The following SLC30A8 variants were observed in gnomAD, a reference collection of about 807,000 sequenced individuals.
The protein encoded by SLC30A8 is proton-coupled zinc antiporter SLC30A8.
In SLC30A8, 27 loss-of-function variants were observed where a neutral mutation model predicts 36.9. The observed-to-expected ratio is 0.73, with a 90% confidence interval of 0.54 to 1.01. The LOEUF is 1.01. Among genes scored for constraint, SLC30A8 ranks in the 50% least tolerant of loss-of-function variants. The pLI is 0.00. For missense variants in SLC30A8, 439 were observed against 452.0 expected (o/e 0.97, Z 0.26); for synonymous variants, 164 against 172.4 (o/e 0.95, Z 0.38).
Position 117,087,530 on chromosome 8 carries a change from C to T in SLC30A8, c.-225-47750C>T, listed in dbSNP as rs146686734. 3.3e-3 allele frequency among the ~76,000 whole-genome samples: 498 copies of T among 152,170 alleles called. 1 individual carries two copies. The highest frequency in any genetic ancestry group is 4.6e-3 in the Non-Finnish European group (315 of 67,996). On this transcript the variant is annotated intron_variant, in intron 2 of 10. Coordinates refer to the SLC30A8 transcript ENST00000427715. ...ATCATACTACCTTTCAAGCTGGCTTCGTCTTTTTTTTTCTAATCTTCTATA... is the reference window on the plus strand; with the variant it reads ...ATCATACTACCTTTCAAGCTGGCTTTGTCTTTTTTTTTCTAATCTTCTATA...
At chr8:116,997,054 T>C (rs912202403) in intron 1 of SLC30A8, among the ~76,000 whole-genome samples, 1 of 151,312 alleles carries the variant, frequency 6.6e-6, no homozygotes, top group Admixed American at 6.6e-5. Context: ...GCAAAGACAA[T>C]ATGTGTAGTG....
chr8:117,046,639 A>C (rs974027959), intron 2 of SLC30A8, among the ~76,000 whole-genome samples: 1 of 152,228 alleles, frequency 6.6e-6, no homozygotes, highest in Non-Finnish European at 1.5e-5. Context: ...AAATGAGGCT[A>C]TTCTAAGAAT....
At chr8:117,104,077 T>C (rs1819861079) in intron 2 of SLC30A8, among the ~76,000 whole-genome samples, 1 of 152,148 alleles carries the variant, frequency 6.6e-6, no homozygotes, top group Non-Finnish European at 1.5e-5. Context: ...CATGGCTGAT[T>C]GAATGCATAA....
chr8:116,990,396 G>A (rs190605060), intron 1 of SLC30A8, among the ~76,000 whole-genome samples: 23 of 152,166 alleles, frequency 1.5e-4, no homozygotes, highest in Non-Finnish European at 2.8e-4. Context: ...TGATAGTTGC[G>A]TTGATATTAT....
chr8:117,021,486 T>C (rs1369393105), intron 1 of SLC30A8, among the ~76,000 whole-genome samples: 1 of 152,130 alleles, frequency 6.6e-6, no homozygotes, highest in African/African-American at 2.4e-5. Flanking sequence ...TTGAAGGAGA[T>C]TAAAGAATAC....
At chr8:117,161,656 G>A (rs886096683) in intron 4 of SLC30A8, 82 bp from the exon 5 acceptor site, 2 of 1,373,052 alleles carry the variant, frequency 1.5e-6, no homozygotes, top group African/African-American at 1.5e-5. Flanking sequence ...GATAATGCAT[G>A]TTATTGCCAG....
Position 117,038,165 on chromosome 8 carries a change from C to T in SLC30A8, c.-265-1054C>T, listed in dbSNP as rs529494041. On this transcript the variant is annotated intron_variant, in intron 1 of 10. Transcript: ENST00000427715. ...GTTCTTCAAAACTAATATGGATACT[C>T]GGTAAAAGCAATGCAAATGATACAA... 9.2e-5 allele frequency among the ~76,000 whole-genome samples: 14 copies of T among 152,216 alleles called. No homozygotes were observed. In the South Asian group the frequency reaches 1.5e-3, roughly 16 times the overall value.
chr8:117,122,813 G>A (rs1820742987), intron 2 of SLC30A8, among the ~76,000 whole-genome samples: 1 of 151,962 alleles, frequency 6.6e-6, no homozygotes, highest in Admixed American at 6.6e-5. Flanking sequence ...AGACCAGACT[G>A]CCTTTCTTCC....
chr8:117,152,912 C>T, intron 2 of SLC30A8, 32 bp from the exon 3 acceptor site: 2 of 1,501,106 alleles, frequency 1.3e-6, no homozygotes, highest in Non-Finnish European at 1.8e-6. Flanking sequence ...ATTCTGGGAC[C>T]TTAACACAGT....
At chr8:117,084,205 C>T (rs889943660) in intron 2 of SLC30A8, among the ~76,000 whole-genome samples, 8 of 152,028 alleles carry the variant, frequency 5.3e-5, no homozygotes, top group Admixed American at 2.0e-4. Flanking sequence ...GGGGGACAAG[C>T]GGAGAAGAGG....
At chr8:117,002,293 A>G (rs1211271622) in intron 1 of SLC30A8, among the ~76,000 whole-genome samples, 1 of 152,206 alleles carries the variant, frequency 6.6e-6, no homozygotes, top group Non-Finnish European at 1.5e-5. Flanking sequence ...GATAAGATAT[A>G]TAAACTCCAG....
At chr8:117,161,518 G>A (rs1822789434) in intron 4 of SLC30A8, among the ~76,000 whole-genome samples, 1 of 152,216 alleles carries the variant, frequency 6.6e-6, no homozygotes, top group South Asian at 2.1e-4. Context: ...GGATGAATGA[G>A]TAAACTGGAT....
chr8:116,970,876 C>T (rs1244029540), intron 1 of SLC30A8, among the ~76,000 whole-genome samples: 1 of 152,144 alleles, frequency 6.6e-6, no homozygotes, highest in Non-Finnish European at 1.5e-5. Context: ...AGGTGGATCA[C>T]CTGAGGTCAG....
At chr8:117,053,164 C>T (rs1040762150) in intron 2 of SLC30A8, among the ~76,000 whole-genome samples, 2 of 152,122 alleles carry the variant, frequency 1.3e-5, no homozygotes, top group Admixed American at 6.5e-5. Context: ...CTGCCGGCCT[C>T]GTGATCTGCC....
chr8:116,953,076 C>G (rs760890599), intron 1 of SLC30A8, among the ~76,000 whole-genome samples: 1 of 151,748 alleles, frequency 6.6e-6, no homozygotes, highest in Non-Finnish European at 1.5e-5. Context: ...TTTTTGTGTC[C>G]ATGAGTACCT....
chr8:116,989,521 T>C (rs1815559425), intron 1 of SLC30A8, among the ~76,000 whole-genome samples: 1 of 152,184 alleles, frequency 6.6e-6, no homozygotes, highest in Admixed American at 6.6e-5. Flanking sequence ...AACAATTTAG[T>C]TTACTCAATT....
chr8:116,959,812 G>A (rs139297863), intron 1 of SLC30A8, among the ~76,000 whole-genome samples: 85 of 152,256 alleles, frequency 5.6e-4, no homozygotes, highest in African/African-American at 1.7e-3. Context: ...GTTTCCTTTA[G>A]CCCTTTCAGA....
intron 2 of SLC30A8, among the ~76,000 whole-genome samples, chr8:117,048,829 C>G (rs559483705): frequency 6.6e-6 from 1 of 152,282 alleles, no homozygotes; most frequent in South Asian, 2.1e-4. Flanking sequence ...ATTTTAAGAT[C>G]ATTACCCTTG....
intron 2 of SLC30A8, among the ~76,000 whole-genome samples, chr8:117,068,234 G>A (rs947830402): frequency 5.9e-5 from 9 of 152,160 alleles, no homozygotes; most frequent in African/African-American, 2.2e-4. Context: ...TCCCTGTAGT[G>A]TTTCCATCAG....
Sources: gnomAD v4.1 joint callset for allele counts (sites outside exome capture counted in the v4.1 genomes callset) on GRCh38, gnomAD v4.1.1 for gene constraint, MANE v1.5 for transcripts, NCBI Gene and HGNC (gene_info 2026-07-23, HGNC 2026-07-21) for gene names.